Variants in RANBP2 observed in about 807,000 individuals in gnomAD.
RANBP2 encodes the protein RAN binding protein 2, also known as E3 SUMO-protein ligase RanBP2.
A neutral mutation model predicts 303.6 loss-of-function variants in RANBP2; 57 were observed. The ratio of observed to expected loss-of-function variants is 0.19; its 90% CI spans 0.15 to 0.23. The LOEUF is 0.23. Ranked by LOEUF, RANBP2 falls within the 10% of genes least tolerant of loss-of-function variation. RANBP2 has a pLI of 1.00. For missense variants in RANBP2, 3,138 were observed against 3,780.8 expected, an observed-to-expected ratio of 0.83 and a Z score of 4.46; for synonymous variants, 1,167 against 1,301.5, an observed-to-expected ratio of 0.90 and a Z score of 2.23.
At chr2:108,852,099 T>A in the RANBP2 span, among the ~76,000 whole-genome samples, 1 of 152,172 alleles carries the variant, frequency 6.6e-6, no homozygotes, top group Non-Finnish European at 1.5e-5. Flanking sequence ...GGCCGAGCAC[T>A]TTATATATAT....
the RANBP2 span, among the ~76,000 whole-genome samples, chr2:109,037,799 T>A: frequency 2.0e-5 from 3 of 152,102 alleles, no homozygotes; most frequent in Non-Finnish European, 4.4e-5. Flanking sequence ...TTGAAAGAAA[T>A]AAAAGAGGAT....
the RANBP2 span, among the ~76,000 whole-genome samples, chr2:109,588,850 TAAAA>T: frequency 1.8e-5 from 2 of 111,448 alleles, no homozygotes; most frequent in African/African-American, 3.6e-5. Context: ...CAATTACTAT[TAAAA>T]AAAAAAAAAA....
At chr2:109,084,152 ACTC>A in the RANBP2 span, among the ~76,000 whole-genome samples, 1 of 151,226 alleles carries the variant, frequency 6.6e-6, no homozygotes, top group African/African-American at 2.4e-5. Flanking sequence ...GCCTCTCAAA[ACTC>A]CTCCTTCTTT....
the RANBP2 span, among the ~76,000 whole-genome samples, chr2:109,112,789 C>T: frequency 1.3e-5 from 2 of 152,148 alleles, no homozygotes. Flanking sequence ...AGTCTTTAAT[C>T]CATCTTGAAT....
chr2:108,925,269 A>G, the RANBP2 span, among the ~76,000 whole-genome samples: 1 of 152,216 alleles, frequency 6.6e-6, no homozygotes, highest in Non-Finnish European at 1.5e-5. Flanking sequence ...AATGACACCA[A>G]GTTCTTCTCC....
the RANBP2 span, among the ~76,000 whole-genome samples, chr2:108,857,152 C>G: frequency 9.5e-5 from 13 of 137,310 alleles, no homozygotes; most frequent in African/African-American, 3.0e-4. Flanking sequence ...GATCTCAGCT[C>G]ACTGCAACCT....
At chr2:109,447,215 C>G in the RANBP2 span, among the ~76,000 whole-genome samples, 12 of 142,566 alleles carry the variant, frequency 8.4e-5, no homozygotes, top group African/African-American at 2.9e-4. Flanking sequence ...CCACATAAAT[C>G]AGCCTTTCTG....
At chr2:108,858,072 A>G in the RANBP2 span, among the ~76,000 whole-genome samples, 1 of 152,202 alleles carries the variant, frequency 6.6e-6, no homozygotes, top group African/African-American at 2.4e-5. Flanking sequence ...AGCCAGGTGC[A>G]GTGGCTCATG....
the RANBP2 span, among the ~76,000 whole-genome samples, chr2:109,209,611 G>C: frequency 6.6e-6 from 1 of 152,148 alleles, no homozygotes; most frequent in Non-Finnish European, 1.5e-5. Context: ...ACTCCCTGCT[G>C]TGTAGGTGGG....
At chr2:109,087,101 G>A in the RANBP2 span, among the ~76,000 whole-genome samples, 2 of 152,298 alleles carry the variant, frequency 1.3e-5, no homozygotes, top group African/African-American at 2.4e-5. Context: ...CTGAAAAACC[G>A]CAAATTGTCC....
the RANBP2 span, among the ~76,000 whole-genome samples, chr2:109,577,565 C>A: frequency 1.3e-5 from 2 of 150,190 alleles, no homozygotes; most frequent in Non-Finnish European, 3.0e-5. Context: ...GCATTCTAGC[C>A]TCAGTGACAG....
At chr2:109,185,122 AT>A in the RANBP2 span, among the ~76,000 whole-genome samples, 1 of 152,192 alleles carries the variant, frequency 6.6e-6, no homozygotes, top group African/African-American at 2.4e-5. Context: ...GAATATATTC[AT>A]TTGTAGACAG....
At chr2:109,283,522 G>T in the RANBP2 span, among the ~76,000 whole-genome samples, 1 of 152,278 alleles carries the variant, frequency 6.6e-6, no homozygotes, top group African/African-American at 2.4e-5. Context: ...AGAGAGTAGG[G>T]GAGGGATGGG....
At chr2:108,987,132 A>G in the RANBP2 span, among the ~76,000 whole-genome samples, 1 of 152,260 alleles carries the variant, frequency 6.6e-6, no homozygotes. Flanking sequence ...CATCCTGTTT[A>G]CAGCTCCTGT....
the RANBP2 span, among the ~76,000 whole-genome samples, chr2:109,293,714 T>C: frequency 7.2e-5 from 11 of 152,262 alleles, no homozygotes; most frequent in Admixed American, 7.2e-4. Context: ...AATGTTCATG[T>C]TGGCTGTCAG....
the RANBP2 span, chr2:109,371,658 A>T: frequency 6.2e-7 from 1 of 1,613,852 alleles, no homozygotes. Context: ...CAAGATCGGG[A>T]TCTTCCCGCT....
At chr2:109,078,100 A>ATATATATATATAGCG in the RANBP2 span, among the ~76,000 whole-genome samples, 2 of 70,006 alleles carry the variant, frequency 2.9e-5, no homozygotes, top group Non-Finnish European at 5.8e-5. Flanking sequence ...ATATATATAT[A>ATATATATATATAGCG]TATATATATA....
the RANBP2 span, among the ~76,000 whole-genome samples, chr2:109,723,553 G>T: frequency 6.6e-6 from 1 of 151,846 alleles, no homozygotes; most frequent in Non-Finnish European, 1.5e-5. Context: ...ATATTTGTTG[G>T]CTGCATGAAT....
the RANBP2 span, among the ~76,000 whole-genome samples, chr2:109,664,012 AGCC>A: frequency 6.6e-6 from 1 of 152,186 alleles, no homozygotes; most frequent in Admixed American, 6.5e-5. Flanking sequence ...CTGCAGAGAC[AGCC>A]CTTCATTCTC....
Sources: gnomAD v4.1 joint callset for allele counts (sites outside exome capture counted in the v4.1 genomes callset) on GRCh38, gnomAD v4.1.1 for gene constraint, MANE v1.5 for transcripts, NCBI Gene and HGNC (gene_info 2026-07-23, HGNC 2026-07-21) for gene names.